NIN: variants seen among roughly 807,000 people sequenced by gnomAD.
NIN encodes ninein.
Under a neutral mutation model 257.6 loss-of-function variants are expected in NIN, and 137 were observed. That is an observed-to-expected ratio of 0.53 (90% CI 0.46 to 0.61). NIN has a LOEUF of 0.61. NIN is among the 20% of genes least tolerant of loss of function. The pLI is 0.00. For synonymous variants in NIN, 918 were observed against 919.8 expected, an observed-to-expected ratio of 1.00 and a Z score of 0.04; for missense variants, 2,439 against 2,501.2, an observed-to-expected ratio of 0.98 and a Z score of 0.53.
At chr14:50,747,441 A>G (rs901426651) in intron 22 of NIN, among the ~76,000 whole-genome samples, 1 of 152,342 alleles carries the variant, frequency 6.6e-6, no homozygotes, top group South Asian at 2.1e-4. Context: ...TGATAATAGA[A>G]TTTTAGAGTG....
At chr14:50,797,537 C>T (rs1046034948) in intron 4 of NIN, among the ~76,000 whole-genome samples, 2 of 152,184 alleles carry the variant, frequency 1.3e-5, no homozygotes, top group African/African-American at 2.4e-5. Context: ...AGGCCAGCAT[C>T]CCCAAGAAGC....
rs1226252619 is a variant in NIN at position 50,729,650 on chromosome 14, T to G, written c.5951A>C (p.Gln1984Pro). 7 of 1,613,986 alleles carry G rather than the reference T, an allele frequency of 4.3e-6. No individual in the cohort carries two copies. In the South Asian group the frequency reaches 7.7e-5, roughly 18 times the overall value. The change falls in exon 29 of 31, where the codon CAA becomes CCA. Residue 1984 changes from glutamine (Q) to proline (P), a missense_variant. Coordinates refer to ENST00000530997, the MANE Select transcript of NIN (RefSeq NM_020921.4). ...CTCCCTGGGCACCATCGGACAGGCT[T>G]GCTGCTGGAGCAGCTGCAAATCCCA... ...HAWDLQLLQQ[Q>P]ACPMVPREQF... is the part of the protein sequence containing the mutation.
chr14:50,824,030 T>C (rs1386796123), intron 2 of NIN, among the ~76,000 whole-genome samples: 1 of 152,208 alleles, frequency 6.6e-6, no homozygotes, highest in African/African-American at 2.4e-5. Flanking sequence ...ATTTTCAGTG[T>C]TGCGGTAGCT....
At chr14:50,786,969 T>C (rs776852054) in intron 5 of NIN, among the ~76,000 whole-genome samples, 13 of 152,250 alleles carry the variant, frequency 8.5e-5, no homozygotes, top group Non-Finnish European at 1.5e-5. Context: ...AATCAGTTTG[T>C]CTTTTTTTAA....
At position 50,722,223 on chromosome 14, in the gene NIN, T is replaced by C. The variant is rs1343734061; in HGVS notation, c.*1240A>G. 4.4e-6 allele frequency: 1 copy of C among 225,510 alleles called. No individual in the cohort carries two copies. The highest frequency in any genetic ancestry group is 6.4e-5 in the East Asian group (1 of 15,732). 14.0% of individuals were successfully genotyped at this position (225,510 alleles called of 1,614,324 possible). A position where few individuals can be genotyped will look rare whatever the true frequency, so the allele number is the denominator to read the frequency against. ...TTCTATAAAGTTTTGATCTTGAGCA[T>C]GAGTGGAAAGTCCTATTTGGCACTC... On this transcript the variant is annotated 3_prime_UTR_variant, in exon 31 of 31. Transcript: ENST00000530997.
chr14:50,796,058 T>A (rs2043824546), intron 4 of NIN, among the ~76,000 whole-genome samples: 1 of 152,194 alleles, frequency 6.6e-6, no homozygotes, highest in Non-Finnish European at 1.5e-5. Flanking sequence ...AGTGTTTCAG[T>A]GTTTGAGTTC....
At chr14:50,780,255 G>A (rs1007577086) in intron 5 of NIN, among the ~76,000 whole-genome samples, 9 of 152,204 alleles carry the variant, frequency 5.9e-5, no homozygotes, top group African/African-American at 1.9e-4. Flanking sequence ...AAGGTGAATC[G>A]CCCTTTCCAA....
In NIN at chr14:50,750,224, G is replaced by C. The variant is rs890704708; in HGVS notation, c.4951-2119C>G. Among the ~76,000 whole-genome samples the C allele has an allele frequency of 2.6e-5, 4 of 152,036 alleles. 1 individual carries two copies. In the South Asian group the frequency reaches 8.3e-4, roughly 32 times the overall value. On this transcript the variant is annotated intron_variant, in intron 21 of 30. Transcript: ENST00000530997. ...ATCAATCATTTTTCCAAGGAACCCT[G>C]GTTCCTTTTATAGGAGAATGGTGCT... is the stretch of plus-strand genomic sequence containing the variant.
chr14:50,766,000 TC>T (rs2042471562), intron 14 of NIN, among the ~76,000 whole-genome samples: 3 of 76,988 alleles, frequency 3.9e-5, no homozygotes, highest in South Asian at 5.4e-4. Context: ...CCCTCTCCCC[TC>T]CCCCCACCCC....
In NIN at chr14:50,739,619, A is replaced by G. The variant is rs967100127; in HGVS notation, c.5449-132T>C. ...TTTCAATTGTCCCCTCAGTCTTCTA[A>G]TGAAAGTATGTGTATGTACATATAA... On this transcript the variant is annotated intron_variant, in intron 25 of 30. Coordinates refer to ENST00000530997, the MANE Select transcript of NIN (RefSeq NM_020921.4). 2.3e-5 allele frequency: 16 copies of G among 699,600 alleles called. No homozygotes were observed. In the South Asian group the frequency reaches 3.0e-4, roughly 13 times the overall value. The allele number at this position is 699,600 out of a possible 1,614,324, so 43.3% of individuals were successfully genotyped here.
intron 27 of NIN, among the ~76,000 whole-genome samples, chr14:50,737,019 A>G (rs1030454900): frequency 1.3e-5 from 2 of 152,340 alleles, no homozygotes; most frequent in Admixed American, 1.3e-4. Context: ...AGCCTCCAAG[A>G]GGCCTCAAAG....
At chr14:50,759,496 CT>C (rs35589008) in intron 17 of NIN, among the ~76,000 whole-genome samples, 76,038 of 142,166 alleles carry the variant, frequency 0.53, 20,001 homozygotes, top group African/African-American at 0.66. Flanking sequence ...GCGACTGGCA[CT>C]TTTTTTTTTT....
In NIN at chr14:50,723,476, G is replaced by T; in HGVS notation, c.6389C>A (p.Pro2130His). 6.2e-7 allele frequency: 1 copy of T among 1,612,302 alleles called. No homozygotes were observed. The change falls in exon 31 of 31, where the codon CCT becomes CAT. Residue 2130 changes from proline to histidine, a missense_variant. Pro to His is a moderately conservative substitution (Grantham distance 77). This residue lies in a region of NIN where 2,043 missense variants were observed against 2,050.2 expected (regional missense o/e 1.00). Transcript: ENST00000530997. ...CCTTTGGTTTGGCTATGACCTCAAAGGAGGTGTAGAAGTCAATGGCGCTGG... is the reference window on the plus strand; with the variant it reads ...CCTTTGGTTTGGCTATGACCTCAAATGAGGTGTAGAAGTCAATGGCGCTGG... ...LTPAPLTSTP[P>H]LRS
At chr14:50,762,908 C>T (rs746983225) in intron 15 of NIN, among the ~76,000 whole-genome samples, 6 of 152,076 alleles carry the variant, frequency 3.9e-5, no homozygotes, top group South Asian at 2.1e-4. Flanking sequence ...AGCCACACCA[C>T]GATGGTACAG....
chr14:50,723,241 A>T lies in NIN; in HGVS notation c.*222T>A, dbSNP rs1443802624. 2 of 403,112 alleles carry T rather than the reference A, an allele frequency of 5.0e-6. No individual in the cohort carries two copies. The highest frequency in any genetic ancestry group is 4.2e-5 in the Admixed American group (1 of 24,064). 25.0% of individuals were successfully genotyped at this position (403,112 alleles called of 1,614,324 possible). On this transcript the variant is annotated 3_prime_UTR_variant, in exon 31 of 31. Transcript: ENST00000530997. ...CATTCTTGGTGGCTATTAAAATTTT[A>T]AAATAAATTCAAATCTTGGGAATAA...
chr14:50,830,736 G>A (rs1406156791), intron 1 of NIN: 2 of 28,484 alleles, frequency 7.0e-5, no homozygotes, highest in Non-Finnish European at 1.1e-4. Flanking sequence ...GCCCGCCCCC[G>A]CCCGCGCAGC....
At chr14:50,729,445 C>T (rs1371334210) in intron 29 of NIN, 78 bp downstream of exon 29, 14 of 1,376,864 alleles carry the variant, frequency 1.0e-5, no homozygotes, top group East Asian at 4.7e-5. Context: ...TCTTTCTCTC[C>T]ACCTTTGAAC....
At position 50,759,742 on chromosome 14, in the gene NIN, G is replaced by A. The variant is rs1006224009; in HGVS notation, c.2399+115C>T. The A allele has an allele frequency of 2.6e-5, 28 of 1,088,076 alleles. No individual in the cohort carries two copies. The Admixed American group carries it at 3.5e-4, about 14-fold the overall frequency. The allele number at this position is 1,088,076 out of a possible 1,614,324, so 67.4% of individuals were successfully genotyped here. ...CTGACCTCGTGATCCGCCCACCTCG[G>A]CCTCCCAGAGTGCTGGGATTACAGG... is the stretch of plus-strand genomic sequence containing the variant. On this transcript the variant is annotated intron_variant, in intron 17 of 30. Coordinates refer to ENST00000530997, the MANE Select transcript of NIN (RefSeq NM_020921.4).
At chr14:50,734,247 G>C (rs1405889678) in intron 28 of NIN, among the ~76,000 whole-genome samples, 7 of 151,726 alleles carry the variant, frequency 4.6e-5, no homozygotes, top group Non-Finnish European at 7.4e-5. Flanking sequence ...CCACCACCAC[G>C]CCCAGCTAAT....
Sources: allele counts gnomAD v4.1 joint callset (sites outside exome capture counted in the v4.1 genomes callset), GRCh38; gene constraint gnomAD v4.1.1; regional missense constraint gnomAD v4.1.1; transcripts MANE v1.5; gene names NCBI Gene and HGNC (gene_info 2026-07-23, HGNC 2026-07-21).